ARHGEF3: variants seen among roughly 807,000 people sequenced by gnomAD.
ARHGEF3 encodes Rho guanine nucleotide exchange factor 3, also known as 59.8 kDA protein.
Under a neutral mutation model 63.2 loss-of-function variants are expected in ARHGEF3, and 28 were observed. The observed-to-expected ratio is 0.44, with a 90% CI of 0.33 to 0.61. ARHGEF3 has a LOEUF of 0.61. Ranked by LOEUF, ARHGEF3 falls within the 20% of genes least tolerant of loss-of-function variation. The probability of loss-of-function intolerance (pLI) is 0.03; values close to 1 mark genes in which losing one functional copy is unlikely to be tolerated. For synonymous variants in ARHGEF3, 266 were observed against 254.2 expected (o/e 1.05, Z -0.44); for missense variants, 533 against 659.3 (o/e 0.81, Z 2.10).
chr3:56,960,461 A>C (rs1049939684), intron 2 of ARHGEF3: 7 of 152,306 alleles, frequency 4.6e-5, no homozygotes, highest in Admixed American at 4.6e-4. Context: ...AAACAGGGGA[A>C]ATAATACCCT....
intron 7 of ARHGEF3, among the ~76,000 whole-genome samples, chr3:56,741,181 G>GTTT (rs1159418823): frequency 1.7e-5 from 2 of 118,336 alleles, no homozygotes; most frequent in Admixed American, 9.1e-5. Flanking sequence ...CTCTGCTTTG[G>GTTT]TTCTTTTTTT....
intron 4 of ARHGEF3, among the ~76,000 whole-genome samples, chr3:56,854,186 C>G (rs538004054): frequency 5.2e-4 from 79 of 151,974 alleles, no homozygotes; most frequent in Non-Finnish European, 1.1e-3. Flanking sequence ...CAGAGCGAGA[C>G]TCCATCTAAA....
intron 2 of ARHGEF3, among the ~76,000 whole-genome samples, chr3:57,004,329 T>G (rs1009411531): frequency 6.6e-6 from 1 of 152,214 alleles, no homozygotes; most frequent in African/African-American, 2.4e-5. Flanking sequence ...GTGTCCACAT[T>G]TGCAAGAGAT....
intron 7 of ARHGEF3, among the ~76,000 whole-genome samples, chr3:56,741,493 G>GTT (rs1275948511): frequency 6.5e-5 from 6 of 92,026 alleles, no homozygotes; most frequent in South Asian, 8.3e-4. Context: ...CTCTACATTG[G>GTT]TTCTTTTTTT....
chr3:57,061,392 G>C (rs188446499), intron 1 of ARHGEF3, among the ~76,000 whole-genome samples: 15 of 152,136 alleles, frequency 9.9e-5, no homozygotes, highest in African/African-American at 3.4e-4. Flanking sequence ...CAAACTCCTG[G>C]GCTCAAGAGA....
At chr3:56,954,901 G>C (rs1020033700) in intron 3 of ARHGEF3, among the ~76,000 whole-genome samples, 1 of 152,112 alleles carries the variant, frequency 6.6e-6, no homozygotes, top group Non-Finnish European at 1.5e-5. Context: ...GGTCTGCAGG[G>C]AATGTTTCCA....
chr3:56,872,934 T>C (rs1350727172), intron 4 of ARHGEF3, among the ~76,000 whole-genome samples: 1 of 152,222 alleles, frequency 6.6e-6, no homozygotes, highest in Non-Finnish European at 1.5e-5. Flanking sequence ...ACAGTAGTTA[T>C]TTTTTTGTGC....
At chr3:57,058,055 C>T (rs1482499738) in intron 1 of ARHGEF3, among the ~76,000 whole-genome samples, 1 of 152,212 alleles carries the variant, frequency 6.6e-6, no homozygotes, top group Non-Finnish European at 1.5e-5. Context: ...CAGTCGTGTC[C>T]TTGCCATGGC....
intron 1 of ARHGEF3, among the ~76,000 whole-genome samples, chr3:56,791,802 G>A (rs1578522280): frequency 6.9e-6 from 1 of 145,274 alleles, no homozygotes. Flanking sequence ...CAGAAAAAAA[G>A]AAAAATGAAG....
rs368276869 is a variant in ARHGEF3, at chr3:56,944,773, T to G, written c.129+14050A>C. 9.2e-5 allele frequency among the ~76,000 whole-genome samples: 14 copies of G among 152,008 alleles called. No individual in the cohort carries two copies. In the East Asian group the frequency reaches 2.3e-3, roughly 25 times the overall value. On this transcript the variant is annotated intron_variant, in intron 3 of 12. Coordinates refer to the ARHGEF3 transcript ENST00000338458. ...TTTGTATTTTTAATAGAGACGGGGT[T>G]TCACCATGCTGGCCAGGTTGGCCTT...
intron 2 of ARHGEF3, among the ~76,000 whole-genome samples, chr3:57,014,701 GAC>G (rs1361516827): frequency 4.9e-5 from 7 of 142,394 alleles, no homozygotes; most frequent in African/African-American, 1.8e-4. Flanking sequence ...TTTTTTTTGA[GAC>G]AGAGTCTCGC....
chr3:56,764,067 T>TAA (rs77641345), intron 2 of ARHGEF3, among the ~76,000 whole-genome samples: 50,859 of 151,958 alleles, frequency 0.33, 9,645 homozygotes, highest in Middle Eastern at 0.56. Flanking sequence ...AAAACCATGG[T>TAA]AAAAGGGCAC....
intron 2 of ARHGEF3, among the ~76,000 whole-genome samples, chr3:57,011,561 C>A (rs1044965894): frequency 6.6e-6 from 1 of 152,152 alleles, no homozygotes. Flanking sequence ...GACAGCCCCC[C>A]ACCTTCCCCC....
intron 4 of ARHGEF3, chr3:56,882,282 C>G: frequency 1.3e-6 from 2 of 1,551,268 alleles, no homozygotes; most frequent in East Asian, 2.4e-5. Context: ...GAAGAAAGGA[C>G]TATACTTACA....
intron 4 of ARHGEF3, among the ~76,000 whole-genome samples, chr3:56,807,590 T>C (rs1262859842): frequency 6.6e-6 from 1 of 152,148 alleles, no homozygotes; most frequent in Middle Eastern, 3.2e-3. Flanking sequence ...TCCCCTTCCA[T>C]TTGGGTGACA....
chr3:56,946,796 G>A (rs565939992), intron 3 of ARHGEF3, among the ~76,000 whole-genome samples: 9 of 152,232 alleles, frequency 5.9e-5, no homozygotes, highest in East Asian at 1.9e-4. Flanking sequence ...GATACTCCTC[G>A]AGAAGAGCAA....
At chr3:56,900,092 C>A (rs1000856161) in intron 3 of ARHGEF3, among the ~76,000 whole-genome samples, 2 of 152,138 alleles carry the variant, frequency 1.3e-5, no homozygotes, top group Non-Finnish European at 2.9e-5. Flanking sequence ...GCTGATGGAT[C>A]TGTTTCCTGG....
At chr3:56,790,515 C>A (rs1235627400) in intron 1 of ARHGEF3, among the ~76,000 whole-genome samples, 2 of 152,108 alleles carry the variant, frequency 1.3e-5, no homozygotes, top group African/African-American at 4.8e-5. Flanking sequence ...GAAAATGAAC[C>A]AAGACTGCCA....
chr3:57,059,491 C>T (rs550487265), intron 1 of ARHGEF3, among the ~76,000 whole-genome samples: 3 of 104,488 alleles, frequency 2.9e-5, no homozygotes, highest in South Asian at 6.5e-4. Flanking sequence ...TGTTCTTCCC[C>T]GTGTGTGTAT....
Sources: gnomAD v4.1 joint callset for allele counts (sites outside exome capture counted in the v4.1 genomes callset) on GRCh38, gnomAD v4.1.1 for gene constraint, MANE v1.5 for transcripts, NCBI Gene and HGNC (gene_info 2026-07-23, HGNC 2026-07-21) for gene names.